The following POLQ variants were observed in gnomAD, a reference collection of about 807,000 sequenced individuals.
POLQ encodes DNA polymerase theta.
Under a neutral mutation model 259.2 loss-of-function variants are expected in POLQ, and 233 were observed. The ratio of observed to expected loss-of-function variants is 0.90; its 90% CI spans 0.81 to 1.00. POLQ has a LOEUF of 1.00. Among genes scored for constraint, POLQ ranks in the 50% least tolerant of loss-of-function variants. The pLI is 0.00. For missense variants in POLQ, 2,871 were observed against 3,051.6 expected (o/e 0.94, Z 1.39); for synonymous variants, 1,025 against 1,048.8 (o/e 0.98, Z 0.44).
At chr3:121,465,067 T>C (rs2047824158) in intron 24 of POLQ, among the ~76,000 whole-genome samples, 1 of 151,884 alleles carries the variant, frequency 6.6e-6, no homozygotes, top group Non-Finnish European at 1.5e-5. Context: ...ATTCAGTTAC[T>C]GGAAATGTTT....
At chr3:121,437,592 G>A (rs2047554798) in intron 27 of POLQ, among the ~76,000 whole-genome samples, 2 of 152,184 alleles carry the variant, frequency 1.3e-5, no homozygotes, top group South Asian at 4.1e-4. Flanking sequence ...ATACTCTTCT[G>A]AAGGGAGGAC....
At chr3:121,539,652 G>GT (rs1289532753) in intron 3 of POLQ, 63 bp from the exon 4 acceptor site, 1 of 1,247,210 alleles carries the variant, frequency 8.0e-7, no homozygotes, top group Non-Finnish European at 1.2e-6. Flanking sequence ...TTATAAACTG[G>GT]TTCTATCCCA....
At position 121,529,635 on chromosome 3, in the gene POLQ, C is replaced by T; in HGVS notation, c.1108+10G>A. Reference sequence around the variant, plus strand: ...AAGCATGAAGGCTTTCCTTTCCATCCATAACTCACCCTCAGCTTGATGATG... The same window carrying T: ...AAGCATGAAGGCTTTCCTTTCCATCTATAACTCACCCTCAGCTTGATGATG... On this transcript the variant is annotated intron_variant, in intron 7 of 29. Coordinates refer to ENST00000264233, the MANE Select transcript of POLQ (RefSeq NM_199420.4). The T allele has an allele frequency of 1.2e-6, 2 of 1,611,776 alleles. No homozygotes were observed. The highest frequency in any genetic ancestry group is 1.7e-6 in the Non-Finnish European group (2 of 1,178,796).
At chr3:121,502,570 G>A (rs1483797300) in intron 12 of POLQ, among the ~76,000 whole-genome samples, 2 of 152,122 alleles carry the variant, frequency 1.3e-5, no homozygotes, top group East Asian at 3.8e-4. Flanking sequence ...GACAGTATCA[G>A]CCCACAGGAG....
chr3:121,514,022 CAAAAAAAA>C (rs1185320178), intron 9 of POLQ, among the ~76,000 whole-genome samples: 6 of 27,658 alleles, frequency 2.2e-4, no homozygotes, highest in Non-Finnish European at 4.6e-4. Context: ...AACTCCATCT[CAAAAAAAA>C]AAAAAAAAAA....
At chr3:121,449,567 CCA>C (rs2047656683) in intron 25 of POLQ, 141 bp from the exon 26 acceptor site, 1 of 646,434 alleles carries the variant, frequency 1.5e-6, no homozygotes, top group African/African-American at 1.8e-5. Flanking sequence ...TGGGTTACAT[CCA>C]CAGAGACTGA....
chr3:121,486,971 C>T (rs2048017444), intron 16 of POLQ, among the ~76,000 whole-genome samples: 1 of 151,794 alleles, frequency 6.6e-6, no homozygotes, highest in Non-Finnish European at 1.5e-5. Context: ...AATTCATGAG[C>T]ACTGGTGATT....
At chr3:121,510,575 T>G (rs1203949404) in intron 10 of POLQ, among the ~76,000 whole-genome samples, 2 of 150,244 alleles carry the variant, frequency 1.3e-5, no homozygotes, top group Non-Finnish European at 3.0e-5. Context: ...AGACTCCATC[T>G]CAAAAAAACA....
rs751254649 is a variant in POLQ at position 121,537,105 on chromosome 3, T to C, written c.735A>G (p.Ala245=). ...TKICYITRKS[A]SCQADLASSL... is the part of the protein sequence containing the mutation. Reference sequence around the variant, plus strand: ...CAGTTATTTCACGTACTTACCAAGATGCTGATTTCCGAGTAATATAGCAAA... The same window carrying C: ...CAGTTATTTCACGTACTTACCAAGACGCTGATTTCCGAGTAATATAGCAAA... Residue 245 remains alanine (A), a synonymous_variant, in exon 5 of 30, where the codon GCA becomes GCG. Coordinates refer to ENST00000264233, the MANE Select transcript of POLQ (RefSeq NM_199420.4). 2 of 1,487,048 alleles carry C rather than the reference T, an allele frequency of 1.3e-6. No individual in the cohort carries two copies. The highest frequency in any genetic ancestry group is 1.9e-6 in the Non-Finnish European group (2 of 1,064,506). 92.1% of individuals were successfully genotyped at this position (1,487,048 alleles called of 1,614,324 possible).
chr3:121,515,911 G>A (rs2048291188), intron 9 of POLQ, among the ~76,000 whole-genome samples: 1 of 151,734 alleles, frequency 6.6e-6, no homozygotes, highest in Admixed American at 6.6e-5. Flanking sequence ...AAGGATATAT[G>A]GATAAAAAAT....
intron 8 of POLQ, 121 bp from the exon 9 acceptor site, chr3:121,520,204 G>A: frequency 1.5e-6 from 1 of 653,418 alleles, no homozygotes; most frequent in South Asian, 2.0e-5. Flanking sequence ...CTATTGTTAT[G>A]ACTGTTGACA....
chr3:121,461,895 A>C (rs986018670), intron 24 of POLQ, among the ~76,000 whole-genome samples: 2 of 152,180 alleles, frequency 1.3e-5, no homozygotes, highest in Non-Finnish European at 1.5e-5. Flanking sequence ...CACATCTTTT[A>C]TATCATGTTG....
At chr3:121,466,475 G>A (rs1038153109) in intron 24 of POLQ, among the ~76,000 whole-genome samples, 4 of 151,822 alleles carry the variant, frequency 2.6e-5, no homozygotes, top group African/African-American at 7.3e-5. Flanking sequence ...CGGATCACCT[G>A]AAGTTGGGAG....
At position 121,489,734 on chromosome 3, in the gene POLQ, T is replaced by C; in HGVS notation, c.3197A>G (p.His1066Arg). 2.5e-6 allele frequency: 4 copies of C among 1,612,502 alleles called. No homozygotes were observed. The highest frequency in any genetic ancestry group is 3.4e-6 in the Non-Finnish European group (4 of 1,179,710). ...ATTAGACAGAGTCTGTCCTTGTAAA[T>C]GGATTCTACACGCTCCAGAGTCTTT... ...PLKDSGACRIHLQGQTLSNPS... is the reference protein window; with the variant it reads ...PLKDSGACRIRLQGQTLSNPS... The change falls in exon 16 of 30, where the codon CAT becomes CGT. Residue 1066 changes from histidine (H) to arginine (R), a missense_variant. Transcript: ENST00000264233.
At chr3:121,467,759 G>A (rs2047850735) in intron 23 of POLQ, 119 bp from the exon 24 acceptor site, 8 of 1,016,652 alleles carry the variant, frequency 7.9e-6, no homozygotes, top group Middle Eastern at 2.4e-4. Flanking sequence ...CCTTACTGAG[G>A]GCTGGGTGTG....
At chr3:121,494,996 G>A in intron 14 of POLQ, 2 of 678,136 alleles carry the variant, frequency 2.9e-6, no homozygotes, top group Non-Finnish European at 4.8e-6. Flanking sequence ...AAGATGCTGG[G>A]CGCAGTGGCT....
chr3:121,488,650 A>G lies in POLQ; in HGVS notation c.4281T>C (p.Gly1427=). The change falls in exon 16 of 30, where the codon GGT becomes GGC. Residue 1427 remains glycine, a synonymous_variant. Transcript: ENST00000264233. ...AAACTTCATTCTTTTTTAAAAAAAG[A>G]CCATTTTCCTCCAATAGTATTGGAG... ...FHSPILLEEN[G]LFLKKNEVSV... is the part of the protein sequence containing the mutation. 6.2e-7 allele frequency: 1 copy of G among 1,602,890 alleles called. No homozygotes were observed. The highest frequency in any genetic ancestry group is 1.3e-5 in the African/African-American group (1 of 74,130).
intron 2 of POLQ, among the ~76,000 whole-genome samples, chr3:121,543,021 C>T (rs1272750382): frequency 6.6e-6 from 1 of 151,456 alleles, no homozygotes; most frequent in African/African-American, 2.4e-5. Flanking sequence ...AGGAGCAGGG[C>T]AAGATCAGAG....
intron 24 of POLQ, among the ~76,000 whole-genome samples, chr3:121,463,355 A>G (rs4676722): frequency 0.64 from 97,439 of 151,982 alleles, 31,536 homozygotes; most frequent in East Asian, 0.89. Context: ...AGGCCTCCCC[A>G]GCAATGTGGA....
Sources: allele counts gnomAD v4.1 joint callset (sites outside exome capture counted in the v4.1 genomes callset), GRCh38; gene constraint gnomAD v4.1.1; transcripts MANE v1.5; gene names NCBI Gene and HGNC (gene_info 2026-07-23, HGNC 2026-07-21).